Variants in PCSK5 observed in about 807,000 individuals in gnomAD.
PCSK5 encodes the protein proprotein convertase subtilisin/kexin type 5.
PCSK5 carries 129 observed loss-of-function variants against 233.2 expected under a neutral mutation model. That is an observed-to-expected ratio of 0.55 (90% CI 0.48 to 0.64). The LOEUF is 0.64. Ranked by LOEUF, PCSK5 falls within the 30% of genes least tolerant of loss-of-function variation. The pLI is 0.00. For synonymous variants in PCSK5, 825 were observed against 879.2 expected (o/e 0.94, Z 1.09); for missense variants, 2,076 against 2,430.1 (o/e 0.85, Z 3.06).
intron 5 of PCSK5, among the ~76,000 whole-genome samples, chr9:76,028,080 T>C (rs993597523): frequency 3.3e-5 from 5 of 152,352 alleles, no homozygotes; most frequent in South Asian, 2.1e-4. Context: ...ACAAAATAAC[T>C]GTAGAAACAT....
At chr9:76,280,374 AG>A (rs1459981185) in intron 24 of PCSK5, among the ~76,000 whole-genome samples, 1 of 152,200 alleles carries the variant, frequency 6.6e-6, no homozygotes, top group Non-Finnish European at 1.5e-5. Flanking sequence ...CTCAAATGAA[AG>A]GAAGAGTTGC....
Position 75,923,294 on chromosome 9 carries a change from G to A in PCSK5, c.193-9085G>A, listed in dbSNP as rs547631432. On this transcript the variant is annotated intron_variant, in intron 1 of 37. Transcript: ENST00000674117. ...TGGAGGGTTGTTGGGAAGATTAGAC[G>A]TAACGTAGGGAAAGCATTCAGGAAG... 2.6e-5 allele frequency among the ~76,000 whole-genome samples: 4 copies of A among 152,258 alleles called. No homozygotes were observed. In the South Asian group the frequency reaches 6.2e-4, roughly 24 times the overall value.
intron 7 of PCSK5, among the ~76,000 whole-genome samples, chr9:76,087,315 A>G (rs1831105522): frequency 6.6e-6 from 1 of 152,172 alleles, no homozygotes; most frequent in Non-Finnish European, 1.5e-5. Flanking sequence ...AAGTAACTCA[A>G]TTTTTTTCTT....
At chr9:75,974,873 C>T (rs558863993) in intron 2 of PCSK5, among the ~76,000 whole-genome samples, 1 of 152,328 alleles carries the variant, frequency 6.6e-6, no homozygotes, top group African/African-American at 2.4e-5. Context: ...CTTATGCAAA[C>T]TTCACTCATT....
At chr9:76,229,737 T>G (rs1826015191) in intron 21 of PCSK5, among the ~76,000 whole-genome samples, 1 of 152,248 alleles carries the variant, frequency 6.6e-6, no homozygotes, top group African/African-American at 2.4e-5. Flanking sequence ...GCTGTCTCTT[T>G]CATTACAGTT....
rs139052510 is a variant in PCSK5 at position 75,995,181 on chromosome 9, C to T, written c.411+8936C>T. Among the ~76,000 whole-genome samples the T allele has an allele frequency of 8.7e-3, 1,320 of 152,256 alleles. 20 individuals are homozygous for T. Among genetic ancestry groups the T allele is most frequent in the African/African-American group, 0.031 (1,282 of 41,530 alleles). On this transcript the variant is annotated intron_variant, in intron 3 of 37. Transcript: ENST00000674117. ...CCATTTGCTATATCACCATGCACACCTCTTTTTGTGTACTTAATGCAGTTA... is the reference window on the plus strand; with the variant it reads ...CCATTTGCTATATCACCATGCACACTTCTTTTTGTGTACTTAATGCAGTTA...
At position 76,295,364 on chromosome 9, in the gene PCSK5, G is replaced by C; in HGVS notation, c.3275G>C (p.Cys1092Ser). 6.2e-7 allele frequency: 1 copy of C among 1,612,344 alleles called. No individual in the cohort carries two copies. Among genetic ancestry groups the C allele is most frequent in the Non-Finnish European group, 8.5e-7 (1 of 1,179,480 alleles). ...GCGTGTGATAGTAACTGTGGCAGCT[G>C]TGACCAGAATGGGTGTTACTGGTGT... ...CKACDSNCGS[C>S]DQNGCYWCEE... The change falls in exon 26 of 38, where the codon TGT becomes TCT. Residue 1092 changes from cysteine to serine, a missense_variant. Physicochemically the swap from Cys to Ser is moderately radical, Grantham distance 112. Transcript: ENST00000674117.
chr9:75,905,043 T>A lies in PCSK5; in HGVS notation c.192+13670T>A, dbSNP rs117955187. On this transcript the variant is annotated intron_variant, in intron 1 of 37. Transcript: ENST00000674117. ...TATTATTCTAAGTGAAAGGAACCAG[T>A]CACAAAAGGCCACATTATTGTATCA... is the stretch of plus-strand genomic sequence containing the variant. 6.3e-3 allele frequency among the ~76,000 whole-genome samples: 964 copies of A among 152,292 alleles called. 4 individuals are homozygous for A. Among genetic ancestry groups the A allele is most frequent in the Non-Finnish European group, 0.011 (760 of 68,018 alleles).
intron 30 of PCSK5, among the ~76,000 whole-genome samples, chr9:76,318,968 A>C (rs1829111520): frequency 6.6e-6 from 1 of 152,232 alleles, no homozygotes; most frequent in South Asian, 2.1e-4. Flanking sequence ...AATTGTTCTC[A>C]AACCAATCAA....
rs973551442 is a variant in PCSK5 at position 75,891,094 on chromosome 9, G to A, written c.-88G>A. ...CTGCGGCGGCCCGGGGCTGCTCGCC[G>A]GGCGGCGCAGGCCGGAGAAGTTAGT... On this transcript the variant is annotated 5_prime_UTR_variant, in exon 1 of 38. Transcript: ENST00000674117. The A allele has an allele frequency of 1.6e-6, 2 of 1,247,990 alleles. No individual in the cohort carries two copies. Among genetic ancestry groups the A allele is most frequent in the African/African-American group, 1.6e-5 (1 of 63,080 alleles). 77.3% of individuals were successfully genotyped at this position (1,247,990 alleles called of 1,614,324 possible).
At chr9:76,145,286 A>G (rs1823398824) in intron 10 of PCSK5, among the ~76,000 whole-genome samples, 1 of 152,198 alleles carries the variant, frequency 6.6e-6, no homozygotes, top group South Asian at 2.1e-4. Context: ...TTCAACAAAA[A>G]TGATGGAAGC....
chr9:76,175,299 A>G (rs779565452), intron 14 of PCSK5, 170 bp downstream of exon 14: 3 of 601,260 alleles, frequency 5.0e-6, no homozygotes, highest in South Asian at 2.0e-5. Context: ...ATCGAATAGA[A>G]TAGAATAGAA....
In PCSK5 at chr9:76,321,592, A is replaced by G. The variant is rs1175220365; in HGVS notation, c.4055A>G (p.His1352Arg). 2.5e-6 allele frequency: 4 copies of G among 1,612,690 alleles called. No individual in the cohort carries two copies. In the South Asian group the frequency reaches 4.4e-5, roughly 18 times the overall value. The change falls in exon 31 of 38, where the codon CAT (histidine) becomes CGT (arginine). Residue 1352 changes from histidine (H) to arginine (R), a missense_variant. This residue lies in a region of PCSK5 where 1,510 missense variants were observed against 1,538.1 expected (regional missense o/e 0.98). Transcript: ENST00000674117. Reference protein sequence around the residue: ...RHVAVKGVCKHCPEMCQDCIH... With the variant: ...RHVAVKGVCKRCPEMCQDCIH... ...GTGGCTGTGAAGGGGGTATGCAAGC[A>G]TTGCCCAGAGATGTGTCAGGACTGC...
intron 10 of PCSK5, among the ~76,000 whole-genome samples, chr9:76,135,422 A>G (rs1408917121): frequency 6.6e-6 from 1 of 152,074 alleles, no homozygotes; most frequent in African/African-American, 2.4e-5. Context: ...TATTTTTAGG[A>G]AAAGAATATT....
intron 3 of PCSK5, among the ~76,000 whole-genome samples, chr9:76,015,585 G>T (rs1827915112): frequency 6.6e-6 from 1 of 152,186 alleles, no homozygotes; most frequent in African/African-American, 2.4e-5. Context: ...AATATGAAGA[G>T]TGGTGGATGG....
chr9:76,354,408 G>A (rs187881438), intron 37 of PCSK5, among the ~76,000 whole-genome samples, 189 bp downstream of exon 37: 1 of 152,310 alleles, frequency 6.6e-6, no homozygotes, highest in Non-Finnish European at 1.5e-5. Context: ...GGGATTATCA[G>A]TCCCATTTTA....
At chr9:76,091,144 C>T (rs919319321) in intron 7 of PCSK5, among the ~76,000 whole-genome samples, 12 of 152,158 alleles carry the variant, frequency 7.9e-5, no homozygotes, top group East Asian at 5.8e-4. Flanking sequence ...GGATCAATTT[C>T]GGTTGAGGAC....
intron 21 of PCSK5, among the ~76,000 whole-genome samples, chr9:76,228,429 A>T (rs973630033): frequency 7.2e-5 from 11 of 152,198 alleles, no homozygotes; most frequent in Admixed American, 2.6e-4. Context: ...TCATTTACAA[A>T]GCTATCTCTT....
At chr9:76,067,054 T>G (rs1356381499) in intron 5 of PCSK5, among the ~76,000 whole-genome samples, 3 of 152,190 alleles carry the variant, frequency 2.0e-5, no homozygotes, top group Non-Finnish European at 4.4e-5. Flanking sequence ...TTGGTGTTCT[T>G]TCTCTGGGCT....
Sources: gnomAD v4.1 joint callset for allele counts (sites outside exome capture counted in the v4.1 genomes callset) on GRCh38, gnomAD v4.1.1 for gene constraint, gnomAD v4.1.1 regional missense constraint, MANE v1.5 for transcripts, NCBI Gene and HGNC (gene_info 2026-07-23, HGNC 2026-07-21) for gene names.